TMEM178B: variants seen among roughly 807,000 people sequenced by gnomAD.
TMEM178B encodes transmembrane protein 178B.
A neutral mutation model predicts 31.0 loss-of-function variants in TMEM178B; 5 were observed. The observed-to-expected ratio is 0.16, with a 90% CI of 0.08 to 0.34. The LOEUF (loss-of-function observed/expected upper bound fraction) is 0.34, where lower values mean the gene tolerates loss of function less well. Among genes scored for constraint, TMEM178B ranks in the 10% least tolerant of loss-of-function variants. TMEM178B has a pLI of 1.00. For synonymous variants in TMEM178B, 164 were observed against 164.0 expected, an observed-to-expected ratio of 1.00 and a Z score of 0.00; for missense variants, 275 against 400.3, an observed-to-expected ratio of 0.69 and a Z score of 2.67.
At chr7:141,177,453 A>G (rs1414039721) in intron 1 of TMEM178B, among the ~76,000 whole-genome samples, 1 of 152,188 alleles carries the variant, frequency 6.6e-6, no homozygotes, top group Non-Finnish European at 1.5e-5. Flanking sequence ...GTAGATATCT[A>G]TTAGGTCCTC....
intron 2 of TMEM178B, among the ~76,000 whole-genome samples, chr7:141,373,617 C>G (rs918814734): frequency 2.6e-5 from 4 of 152,150 alleles, no homozygotes; most frequent in African/African-American, 9.7e-5. Context: ...CCAGTTGAGA[C>G]AAGGGGATCA....
chr7:141,206,502 G>A (rs1369295445), intron 1 of TMEM178B, among the ~76,000 whole-genome samples: 2 of 152,186 alleles, frequency 1.3e-5, no homozygotes, highest in Non-Finnish European at 2.9e-5. Flanking sequence ...GTGCTACAGG[G>A]AGGAACTGAC....
chr7:141,346,347 G>A (rs1308141599), intron 2 of TMEM178B, among the ~76,000 whole-genome samples: 3 of 152,108 alleles, frequency 2.0e-5, no homozygotes, highest in African/African-American at 7.2e-5. Context: ...TAAAGACCTA[G>A]GTGTAATTTT....
intron 1 of TMEM178B, among the ~76,000 whole-genome samples, chr7:141,183,014 A>C (rs140874933): frequency 1.7e-3 from 258 of 152,358 alleles, no homozygotes; most frequent in East Asian, 6.9e-3. Context: ...TGAAGTAAGT[A>C]TGTCAAAGTC....
chr7:141,096,102 A>G (rs1794956740), intron 1 of TMEM178B, among the ~76,000 whole-genome samples: 1 of 152,228 alleles, frequency 6.6e-6, no homozygotes, highest in South Asian at 2.1e-4. Flanking sequence ...CTGTCTCCTC[A>G]TAACTGGCAT....
At chr7:141,226,068 A>G (rs1205513613) in intron 2 of TMEM178B, among the ~76,000 whole-genome samples, 2 of 152,170 alleles carry the variant, frequency 1.3e-5, no homozygotes, top group Non-Finnish European at 2.9e-5. Flanking sequence ...TGGAGGTGAC[A>G]CATTTGACTG....
intron 1 of TMEM178B, among the ~76,000 whole-genome samples, chr7:141,143,622 TTATAATA>T (rs1167224471): frequency 6.6e-6 from 1 of 152,230 alleles, no homozygotes; most frequent in Non-Finnish European, 1.5e-5. Context: ...TGCTGTAGGC[TTATAATA>T]TAGTTTAAAG....
intron 1 of TMEM178B, among the ~76,000 whole-genome samples, chr7:141,090,476 T>C (rs1357226033): frequency 2.6e-5 from 4 of 152,188 alleles, no homozygotes; most frequent in Non-Finnish European, 5.9e-5. Context: ...CTCTCAAACG[T>C]TGTTGAGAGC....
chr7:141,112,588 C>G (rs930668802), intron 1 of TMEM178B, among the ~76,000 whole-genome samples: 1 of 152,202 alleles, frequency 6.6e-6, no homozygotes, highest in Non-Finnish European at 1.5e-5. Flanking sequence ...ATTTAACAAT[C>G]TGTTAATAGT....
intron 1 of TMEM178B, among the ~76,000 whole-genome samples, chr7:141,187,628 G>T (rs552268230): frequency 6.6e-6 from 1 of 152,090 alleles, no homozygotes; most frequent in South Asian, 2.1e-4. Flanking sequence ...TTTCATGATC[G>T]CCATTCTAAC....
intron 1 of TMEM178B, among the ~76,000 whole-genome samples, chr7:141,209,157 A>G (rs551550910): frequency 5.3e-4 from 80 of 152,298 alleles, no homozygotes; most frequent in African/African-American, 1.9e-3. Context: ...CCAAGGCATG[A>G]TGGTATTCTT....
chr7:141,080,948 C>T (rs1794672229), intron 1 of TMEM178B, among the ~76,000 whole-genome samples: 2 of 152,192 alleles, frequency 1.3e-5, no homozygotes, highest in East Asian at 3.8e-4. Context: ...AAGTCTAGCA[C>T]AAACAATTAT....
At chr7:141,392,086 A>T (rs28544258) in intron 2 of TMEM178B, among the ~76,000 whole-genome samples, 1 of 151,756 alleles carries the variant, frequency 6.6e-6, no homozygotes, top group Non-Finnish European at 1.5e-5. Flanking sequence ...AAACTGCCAT[A>T]TTGTTTTATT....
intron 1 of TMEM178B, among the ~76,000 whole-genome samples, chr7:141,194,977 G>A (rs1317055794): frequency 6.6e-6 from 1 of 152,194 alleles, no homozygotes. Context: ...AACCACAGCT[G>A]GAGTGGCTGG....
chr7:141,102,893 A>G (rs1795081859), intron 1 of TMEM178B, among the ~76,000 whole-genome samples: 1 of 152,092 alleles, frequency 6.6e-6, no homozygotes, highest in African/African-American at 2.4e-5. Flanking sequence ...CACAGAGGAG[A>G]AAGTTGAAGT....
intron 2 of TMEM178B, among the ~76,000 whole-genome samples, chr7:141,220,767 G>C (rs1291584827): frequency 1.3e-5 from 2 of 152,180 alleles, no homozygotes; most frequent in Non-Finnish European, 2.9e-5. Context: ...TGAGCGCACT[G>C]ATACGGACAC....
chr7:141,317,261 G>A (rs1372670423), intron 2 of TMEM178B, among the ~76,000 whole-genome samples: 1 of 152,044 alleles, frequency 6.6e-6, no homozygotes, highest in Non-Finnish European at 1.5e-5. Context: ...TATAGGGAGG[G>A]GACTTTTACT....
chr7:141,502,328 T>C, the TMEM178B span, among the ~76,000 whole-genome samples: 1 of 152,018 alleles, frequency 6.6e-6, no homozygotes, highest in Admixed American at 6.6e-5. Context: ...GGGGATGGTG[T>C]CCATAGAACA....
chr7:141,462,378 G>T (rs1372713035), intron 3 of TMEM178B, among the ~76,000 whole-genome samples: 1 of 152,150 alleles, frequency 6.6e-6, no homozygotes, highest in Non-Finnish European at 1.5e-5. Flanking sequence ...TGCCCCTGGG[G>T]ATGGGGTGTA....
Sources: gnomAD v4.1 joint callset for allele counts (sites outside exome capture counted in the v4.1 genomes callset) on GRCh38, gnomAD v4.1.1 for gene constraint, MANE v1.5 for transcripts, NCBI Gene and HGNC (gene_info 2026-07-23, HGNC 2026-07-21) for gene names.